DLG2: variants seen among roughly 807,000 people sequenced by gnomAD.
DLG2 encodes disks large homolog 2.
In DLG2, 45 loss-of-function variants were observed where a neutral mutation model predicts 132.5. The ratio of observed to expected loss-of-function variants is 0.34; its 90% CI spans 0.27 to 0.44. DLG2 has a LOEUF of 0.44. DLG2 is among the 20% of genes least tolerant of loss of function. The pLI is 1.00. For synonymous variants in DLG2, 424 were observed against 419.6 expected (o/e 1.01, Z -0.13); for missense variants, 1,045 against 1,196.9 (o/e 0.87, Z 1.87).
intron 6 of DLG2, among the ~76,000 whole-genome samples, chr11:84,752,198 TCTTCA>T (rs2066211847): frequency 1.3e-5 from 2 of 152,192 alleles, no homozygotes; most frequent in South Asian, 4.1e-4. Context: ...TCACTTAACC[TCTTCA>T]CTTCACTTTC....
At chr11:84,228,798 G>A (rs1204616110) in intron 8 of DLG2, among the ~76,000 whole-genome samples, 1 of 152,164 alleles carries the variant, frequency 6.6e-6, no homozygotes, top group African/African-American at 2.4e-5. Flanking sequence ...TGAAATCATG[G>A]CAGGCCAGTG....
intron 6 of DLG2, among the ~76,000 whole-genome samples, chr11:84,850,119 G>A (rs1311972698): frequency 1.3e-5 from 2 of 152,044 alleles, no homozygotes; most frequent in African/African-American, 4.8e-5. Context: ...TGGGCAACTA[G>A]GATGGTTGGT....
intron 6 of DLG2, among the ~76,000 whole-genome samples, chr11:84,934,964 AT>A (rs1471203040): frequency 6.6e-6 from 1 of 152,042 alleles, no homozygotes; most frequent in Non-Finnish European, 1.5e-5. Context: ...GGAACTTCGA[AT>A]TCATTATTGC....
chr11:83,990,968 A>G (rs1200964040), intron 11 of DLG2, among the ~76,000 whole-genome samples: 5 of 152,174 alleles, frequency 3.3e-5, no homozygotes, highest in Middle Eastern at 3.2e-3. Context: ...ATGAATGTGC[A>G]TAAGTTTCAG....
At chr11:83,460,141 C>G (rs771731660) in intron 27 of DLG2, among the ~76,000 whole-genome samples, 2 of 152,198 alleles carry the variant, frequency 1.3e-5, no homozygotes, top group African/African-American at 4.8e-5. Context: ...GGATCAGTAA[C>G]AAATGATTCA....
At chr11:83,549,455 G>C (rs1466455461) in intron 19 of DLG2, among the ~76,000 whole-genome samples, 1 of 152,142 alleles carries the variant, frequency 6.6e-6, no homozygotes, top group Non-Finnish European at 1.5e-5. Context: ...GATAAAGGAA[G>C]AGCATTTCAC....
intron 6 of DLG2, among the ~76,000 whole-genome samples, chr11:84,699,423 C>T (rs2058970634): frequency 6.6e-6 from 1 of 151,462 alleles, no homozygotes; most frequent in South Asian, 2.1e-4. Flanking sequence ...TAAATAAGCC[C>T]TCAGACTTGT....
At chr11:84,092,781 T>C (rs955947034) in intron 10 of DLG2, among the ~76,000 whole-genome samples, 2 of 152,086 alleles carry the variant, frequency 1.3e-5, no homozygotes, top group Non-Finnish European at 2.9e-5. Context: ...CTCACACCTG[T>C]AATCCCAGCA....
intron 7 of DLG2, among the ~76,000 whole-genome samples, chr11:84,507,094 C>T (rs1567820760): frequency 6.6e-6 from 1 of 152,192 alleles, no homozygotes. Context: ...TTTCTCACTG[C>T]AGATTAATTA....
intron 6 of DLG2, among the ~76,000 whole-genome samples, chr11:84,864,317 T>C (rs2084227325): frequency 6.6e-6 from 1 of 152,124 alleles, no homozygotes; most frequent in Non-Finnish European, 1.5e-5. Context: ...ACCATATATG[T>C]CCATCTAGGA....
intron 15 of DLG2, among the ~76,000 whole-genome samples, chr11:83,883,992 T>C (rs2067041998): frequency 6.6e-6 from 1 of 152,136 alleles, no homozygotes; most frequent in South Asian, 2.1e-4. Context: ...ACAGCTCCGG[T>C]CTACAGCTCC....
chr11:83,950,744 T>C (rs1314413803), intron 14 of DLG2, among the ~76,000 whole-genome samples: 1 of 152,204 alleles, frequency 6.6e-6, no homozygotes, highest in Non-Finnish European at 1.5e-5. Flanking sequence ...AAGTCTTAGA[T>C]ACTAGTGGCT....
chr11:85,436,608 T>C (rs950594057), intron 3 of DLG2, among the ~76,000 whole-genome samples: 5 of 152,146 alleles, frequency 3.3e-5, no homozygotes, highest in African/African-American at 9.7e-5. Context: ...CACAGTGAGA[T>C]ACTATCTCAT....
intron 5 of DLG2, among the ~76,000 whole-genome samples, chr11:85,121,764 T>A (rs906229786): frequency 6.6e-6 from 1 of 152,210 alleles, no homozygotes. Context: ...GGCTGTCTCT[T>A]AACTGAATAG....
At chr11:85,354,994 T>C (rs558990115) in intron 3 of DLG2, among the ~76,000 whole-genome samples, 2 of 152,308 alleles carry the variant, frequency 1.3e-5, no homozygotes, top group African/African-American at 4.8e-5. Context: ...TTTTAAAAAT[T>C]TGTGACATCA....
chr11:85,122,793 G>C (rs614689), intron 5 of DLG2, among the ~76,000 whole-genome samples: 110,401 of 150,012 alleles, frequency 0.74, 40,941 homozygotes, highest in East Asian at 0.96. Flanking sequence ...ATTATAACGA[G>C]AGTTGCAGAG....
intron 19 of DLG2, among the ~76,000 whole-genome samples, chr11:83,622,684 GT>G (rs1223221529): frequency 3.3e-5 from 5 of 152,160 alleles, no homozygotes; most frequent in African/African-American, 4.8e-5. Flanking sequence ...TCAGGAGCAA[GT>G]TGTTTAATTT....
At chr11:84,266,714 T>C (rs1206245199) in intron 7 of DLG2, among the ~76,000 whole-genome samples, 1 of 152,196 alleles carries the variant, frequency 6.6e-6, no homozygotes, top group Non-Finnish European at 1.5e-5. Flanking sequence ...GTTCAAACTA[T>C]ACATCCAGGG....
chr11:85,284,239 G>T (rs2078417825), intron 4 of DLG2, among the ~76,000 whole-genome samples: 1 of 151,680 alleles, frequency 6.6e-6, no homozygotes, highest in East Asian at 1.9e-4. Flanking sequence ...ATTTCACAAG[G>T]TTGATATCTA....
Sources: gnomAD v4.1 joint callset for allele counts (sites outside exome capture counted in the v4.1 genomes callset) on GRCh38, gnomAD v4.1.1 for gene constraint, MANE v1.5 for transcripts, NCBI Gene and HGNC (gene_info 2026-07-23, HGNC 2026-07-21) for gene names.